The following SF3B3 variants were observed in gnomAD, a reference collection of about 807,000 sequenced individuals.
SF3B3 encodes the protein SAP 130.
Under a neutral mutation model 139.2 loss-of-function variants are expected in SF3B3, and 33 were observed. That is an observed-to-expected ratio of 0.24 (90% confidence interval 0.18 to 0.32). The LOEUF (loss-of-function observed/expected upper bound fraction) is 0.32, where lower values mean the gene tolerates loss of function less well. Among genes scored for constraint, SF3B3 ranks in the 10% least tolerant of loss-of-function variants. The probability of loss-of-function intolerance (pLI) is 1.00; values close to 1 mark genes in which losing one functional copy is unlikely to be tolerated. For missense variants in SF3B3, 818 were observed against 1,509.4 expected, an observed-to-expected ratio of 0.54 and a Z score of 7.59; for synonymous variants, 596 against 563.6, an observed-to-expected ratio of 1.06 and a Z score of -0.81.
In SF3B3 at chr16:70,573,340, C is replaced by T. The variant is rs1597726822; in HGVS notation, c.*1527C>T. The T allele has an allele frequency of 6.6e-6, 1 of 152,216 alleles. No homozygotes were observed. The highest frequency in any genetic ancestry group is 1.5e-5 in the Non-Finnish European group (1 of 68,042). The allele number at this position is 152,216 out of a possible 1,614,324, so 9.4% of individuals were successfully genotyped here. On this transcript the variant is annotated 3_prime_UTR_variant, in exon 26 of 26. Coordinates refer to ENST00000302516, the MANE Select transcript of SF3B3 (RefSeq NM_012426.5). ...AAATTGTGTGATACTGACATGCAGT[C>T]ATCTGAGGAACTCAGCGTAGATACT...
At chr16:70,542,296 T>C (rs1159127777) in intron 9 of SF3B3, among the ~76,000 whole-genome samples, 1 of 152,266 alleles carries the variant, frequency 6.6e-6, no homozygotes, top group African/African-American at 2.4e-5. Context: ...TCTTGTCATG[T>C]AACAGTCTAC....
rs1473472468 is a variant in SF3B3, at chr16:70,560,268, G to T, written c.2011-201G>T. ...ATAAGTGTGTATTTACTTAGTAGAT[G>T]CTCCATAACTTTGGATGATTAAGTG... On this transcript the variant is annotated intron_variant, in intron 15 of 25. Coordinates refer to ENST00000302516, the MANE Select transcript of SF3B3 (RefSeq NM_012426.5). 1.2e-5 allele frequency: 5 copies of T among 408,642 alleles called. No homozygotes were observed. The East Asian group carries it at 1.4e-4, about 11-fold the overall frequency. 25.3% of individuals were successfully genotyped at this position (408,642 alleles called of 1,614,324 possible).
rs994879174 is a variant in SF3B3 at position 70,572,510 on chromosome 16, T to C, written c.*697T>C. 2 of 161,748 alleles carry C rather than the reference T, an allele frequency of 1.2e-5. No individual in the cohort carries two copies. The highest frequency in any genetic ancestry group is 2.7e-5 in the Non-Finnish European group (2 of 74,730). The allele number at this position is 161,748 out of a possible 1,614,324, so 10.0% of individuals were successfully genotyped here. ...TGATGAAACATGACCTCAATAACCA[T>C]GTGTATACCCACCCCTCTTCCCACT... On this transcript the variant is annotated 3_prime_UTR_variant, in exon 26 of 26. Transcript: ENST00000302516.
At chr16:70,555,394 G>A (rs192762190) in intron 13 of SF3B3, among the ~76,000 whole-genome samples, 188 bp downstream of exon 13, 1 of 149,416 alleles carries the variant, frequency 6.7e-6, no homozygotes. Context: ...CAGGAGAATT[G>A]CTTGAACCCG....
At chr16:70,569,658 C>T (rs1462327262) in intron 23 of SF3B3, among the ~76,000 whole-genome samples, 1 of 152,158 alleles carries the variant, frequency 6.6e-6, no homozygotes, top group Non-Finnish European at 1.5e-5. Flanking sequence ...GAGACAAGGT[C>T]TCACTCAGTC....
In SF3B3 at chr16:70,535,300, T is replaced by C. The variant is rs750485684; in HGVS notation, c.713-8T>C. ...AAAGTCACTGCTAAGTTTTATTTTCTCTCACAGTTCCAGGAGGGTCAGATG... is the reference window on the plus strand; with the variant it reads ...AAAGTCACTGCTAAGTTTTATTTTCCCTCACAGTTCCAGGAGGGTCAGATG... On this transcript the variant is annotated splice_region_variant and splice_polypyrimidine_tract_variant and intron_variant, in intron 5 of 25. Transcript: ENST00000302516. 23 of 1,460,062 alleles carry C rather than the reference T, an allele frequency of 1.6e-5. No individual in the cohort carries two copies. The highest frequency in any genetic ancestry group is 2.1e-5 in the Non-Finnish European group (22 of 1,066,682). 90.4% of individuals were successfully genotyped at this position (1,460,062 alleles called of 1,614,324 possible).
Position 70,573,267 on chromosome 16 carries a change from C to G in SF3B3, c.*1454C>G, listed in dbSNP as rs889973467. On this transcript the variant is annotated 3_prime_UTR_variant, in exon 26 of 26. Transcript: ENST00000302516. ...GTAGTTCTGAATTAGATTTTGAAAACCTAATTTCAGGGCTCATTTTTTCCT... is the reference window on the plus strand; with the variant it reads ...GTAGTTCTGAATTAGATTTTGAAAAGCTAATTTCAGGGCTCATTTTTTCCT... 6.6e-6 allele frequency: 1 copy of G among 152,124 alleles called. No homozygotes were observed. The highest frequency in any genetic ancestry group is 2.1e-4 in the South Asian group (1 of 4,824). The allele number at this position is 152,124 out of a possible 1,614,324, so 9.4% of individuals were successfully genotyped here.
In SF3B3 at chr16:70,548,459, C is replaced by G; in HGVS notation, c.1402+17C>G. On this transcript the variant is annotated intron_variant, in intron 11 of 25. Transcript: ENST00000302516. Reference sequence around the variant, plus strand: ...ACATTGAAGGTAAGCAGCTTTTTCCCAATAGTCAAAATGAGGATCTAGGTG... The same window carrying G: ...ACATTGAAGGTAAGCAGCTTTTTCCGAATAGTCAAAATGAGGATCTAGGTG... The G allele has an allele frequency of 6.2e-7, 1 of 1,610,314 alleles. No individual in the cohort carries two copies. Among genetic ancestry groups the G allele is most frequent in the Non-Finnish European group, 8.5e-7 (1 of 1,177,102 alleles).
At chr16:70,525,364 C>G (rs2050050149) in intron 1 of SF3B3, among the ~76,000 whole-genome samples, 1 of 152,102 alleles carries the variant, frequency 6.6e-6, no homozygotes, top group African/African-American at 2.4e-5. Flanking sequence ...GACTGATCCT[C>G]CGAAATGCAC....
chr16:70,531,814 ATCC>A (rs969973643), intron 4 of SF3B3, among the ~76,000 whole-genome samples: 1 of 152,278 alleles, frequency 6.6e-6, no homozygotes, highest in African/African-American at 2.4e-5. Context: ...GGAAGGCAGT[ATCC>A]TCTAGTAGAG....
intron 8 of SF3B3, among the ~76,000 whole-genome samples, chr16:70,541,177 T>C (rs1015124081): frequency 3.3e-5 from 5 of 152,200 alleles, no homozygotes; most frequent in Admixed American, 6.6e-5. Context: ...TCATTGTGGT[T>C]TGCCTTTCCC....
chr16:70,565,316 G>A (rs2151793663), intron 19 of SF3B3, 46 bp downstream of exon 19: 1 of 1,613,494 alleles, frequency 6.2e-7, no homozygotes, highest in East Asian at 2.2e-5. Flanking sequence ...TGGAACAGGA[G>A]CTCTCTGAGT....
In SF3B3 at chr16:70,548,376, G is replaced by A; in HGVS notation, c.1336G>A (p.Glu446Lys). ...RVLRHGLEVSEMAVSELPGNP... is the reference protein window; with the variant it reads ...RVLRHGLEVSKMAVSELPGNP... ...TTCCCTCTTCTCCTGTCAGGTGTCAGAAATGGCTGTTTCTGAGCTACCTGG... is the reference window on the plus strand; with the variant it reads ...TTCCCTCTTCTCCTGTCAGGTGTCAAAAATGGCTGTTTCTGAGCTACCTGG... The change falls in exon 11 of 26, where the codon GAA (glutamate) becomes AAA (lysine). Residue 446 changes from glutamate to lysine, a missense_variant. Glu to Lys is a moderately conservative substitution (Grantham distance 56). Transcript: ENST00000302516. 1 of 1,614,058 alleles carries A rather than the reference G, an allele frequency of 6.2e-7. No homozygotes were observed. The highest frequency in any genetic ancestry group is 8.5e-7 in the Non-Finnish European group (1 of 1,179,970).
At chr16:70,552,392 A>G (rs939910459) in intron 11 of SF3B3, among the ~76,000 whole-genome samples, 3 of 152,240 alleles carry the variant, frequency 2.0e-5, no homozygotes, top group Non-Finnish European at 4.4e-5. Flanking sequence ...TGAGAACTGG[A>G]GTAAAGGTTC....
At chr16:70,569,215 C>A in intron 23 of SF3B3, 74 bp downstream of exon 23, 1 of 1,075,850 alleles carries the variant, frequency 9.3e-7, no homozygotes, top group African/African-American at 1.6e-5. Context: ...AAGAAATTGC[C>A]TTTGGTGAAT....
chr16:70,546,441 C>G (rs1284503174), intron 10 of SF3B3, among the ~76,000 whole-genome samples: 2 of 152,186 alleles, frequency 1.3e-5, no homozygotes, highest in Non-Finnish European at 2.9e-5. Flanking sequence ...CACCCAAGGT[C>G]AGGAGTTCGA....
rs563307164 is a variant in SF3B3 at position 70,547,625 on chromosome 16, G to A, written c.1330-745G>A. Among the ~76,000 whole-genome samples, 32 of 152,244 alleles carry A rather than the reference G, an allele frequency of 2.1e-4. No homozygotes were observed. In the East Asian group the frequency reaches 3.3e-3, roughly 16 times the overall value. On this transcript the variant is annotated intron_variant, in intron 10 of 25. Transcript: ENST00000302516. ...TTCTTTTTTTTGGAGACGGAGTCTC[G>A]CTCAGTCACCCAGGCTGGAGTGCAA...
At chr16:70,554,201 C>T in intron 11 of SF3B3, 1 of 380,232 alleles carries the variant, frequency 2.6e-6, no homozygotes, top group South Asian at 3.7e-5. Context: ...GCTTTGTCCT[C>T]TCACTTCTTT....
intron 15 of SF3B3, among the ~76,000 whole-genome samples, chr16:70,559,702 A>G (rs1371797975): frequency 1.3e-5 from 2 of 152,062 alleles, no homozygotes; most frequent in Admixed American, 1.3e-4. Flanking sequence ...ATAAATAAAT[A>G]AAAATTTAAA....
Sources: gnomAD v4.1 joint callset for allele counts (sites outside exome capture counted in the v4.1 genomes callset) on GRCh38, gnomAD v4.1.1 for gene constraint, MANE v1.5 for transcripts, NCBI Gene and HGNC (gene_info 2026-07-23, HGNC 2026-07-21) for gene names.